The following L3MBTL4 variants were observed in gnomAD, a reference collection of about 807,000 sequenced individuals.
L3MBTL4 encodes lethal(3)malignant brain tumor-like protein 4.
In L3MBTL4, 70 loss-of-function variants were observed where a neutral mutation model predicts 84.5. The ratio of observed to expected loss-of-function variants is 0.83; its 90% CI spans 0.68 to 1.01. The LOEUF is 1.01. Ranked by LOEUF, L3MBTL4 falls within the 50% of genes least tolerant of loss-of-function variation. The pLI is 0.00. For missense variants in L3MBTL4, 715 were observed against 754.8 expected (o/e 0.95, Z 0.62); for synonymous variants, 274 against 259.8 (o/e 1.05, Z -0.52).
intron 13 of L3MBTL4, among the ~76,000 whole-genome samples, chr18:6,150,303 G>A (rs752088491): frequency 2.0e-5 from 3 of 152,002 alleles, no homozygotes. Context: ...ATCTAAAGCG[G>A]GAACTATGGT....
chr18:6,145,915 A>G (rs1032214074), intron 13 of L3MBTL4, among the ~76,000 whole-genome samples: 1 of 152,182 alleles, frequency 6.6e-6, no homozygotes, highest in African/African-American at 2.4e-5. Flanking sequence ...AGCAAGTCAG[A>G]GTGATGATGT....
At chr18:6,078,716 G>T (rs913680392) in intron 16 of L3MBTL4, among the ~76,000 whole-genome samples, 2 of 152,122 alleles carry the variant, frequency 1.3e-5, no homozygotes, top group Non-Finnish European at 2.9e-5. Context: ...GACCAGGGGT[G>T]GGGGGATGGT....
At chr18:6,216,470 A>G (rs1416952840) in intron 10 of L3MBTL4, among the ~76,000 whole-genome samples, 1 of 152,048 alleles carries the variant, frequency 6.6e-6, no homozygotes, top group Non-Finnish European at 1.5e-5. Context: ...CGCAATAAGT[A>G]TTTAGATTTA....
chr18:6,009,994 T>C (rs1406009159), intron 16 of L3MBTL4, among the ~76,000 whole-genome samples: 8 of 149,450 alleles, frequency 5.4e-5, no homozygotes, highest in African/African-American at 1.7e-4. Flanking sequence ...ATCTAGACTT[T>C]AAGAAACATA....
chr18:6,215,774 T>A lies in L3MBTL4; in HGVS notation c.846A>T (p.Ala282=). The change falls in exon 11 of 19, where the codon GCA becomes GCT. Residue 282 remains alanine, a synonymous_variant. Transcript: ENST00000317931. Reference sequence around the variant, plus strand: ...CCATTTTAAAAACTTTGGCAGGAACTGCATTGGTTTGAGTAGCTTCCAGGT... The same window carrying A: ...CCATTTTAAAAACTTTGGCAGGAACAGCATTGGTTTGAGTAGCTTCCAGGT... ...TEYLEATQTN[A]VPAKVFKMRL... is the part of the protein sequence containing the mutation. 6.2e-7 allele frequency: 1 copy of A among 1,605,920 alleles called. No homozygotes were observed. Among genetic ancestry groups the A allele is most frequent in the African/African-American group, 1.3e-5 (1 of 74,782 alleles).
intron 5 of L3MBTL4, among the ~76,000 whole-genome samples, chr18:6,263,011 C>A (rs1039046106): frequency 6.6e-6 from 1 of 152,202 alleles, no homozygotes; most frequent in African/African-American, 2.4e-5. Context: ...CGGCGGCTTA[C>A]GCCTGTAATC....
intron 16 of L3MBTL4, among the ~76,000 whole-genome samples, chr18:6,047,128 A>G (rs546435611): frequency 1.6e-4 from 25 of 152,330 alleles, no homozygotes; most frequent in African/African-American, 6.0e-4. Context: ...ATCTCTATGC[A>G]CACAATCTGG....
intron 14 of L3MBTL4, among the ~76,000 whole-genome samples, chr18:6,109,703 C>T (rs773941372): frequency 4.6e-5 from 7 of 152,082 alleles, no homozygotes; most frequent in Non-Finnish European, 7.4e-5. Flanking sequence ...GGAAGCTGCC[C>T]GTGCACCCCA....
chr18:6,251,140 CA>C (rs2047907101), intron 5 of L3MBTL4, among the ~76,000 whole-genome samples: 1 of 152,202 alleles, frequency 6.6e-6, no homozygotes, highest in Admixed American at 6.5e-5. Flanking sequence ...AGGATGAATA[CA>C]ACCAAAGAGA....
chr18:5,968,042 C>A (rs2052440328), intron 17 of L3MBTL4, among the ~76,000 whole-genome samples: 2 of 152,226 alleles, frequency 1.3e-5, no homozygotes, highest in African/African-American at 4.8e-5. Context: ...AGCCCAGTGA[C>A]AAAGAGGGCA....
intron 1 of L3MBTL4, among the ~76,000 whole-genome samples, chr18:6,405,867 A>G (rs1462550034): frequency 6.6e-6 from 1 of 152,186 alleles, no homozygotes; most frequent in East Asian, 1.9e-4. Flanking sequence ...GAATCTATCC[A>G]TGGTTATGAG....
intron 1 of L3MBTL4, among the ~76,000 whole-genome samples, chr18:6,314,721 T>TA (rs1350226817): frequency 2.0e-5 from 3 of 152,238 alleles, no homozygotes; most frequent in Non-Finnish European, 4.4e-5. Context: ...TTAGAAAGCA[T>TA]CTGAATACTT....
At chr18:6,180,895 T>C (rs1442867372) in intron 12 of L3MBTL4, among the ~76,000 whole-genome samples, 1 of 152,216 alleles carries the variant, frequency 6.6e-6, no homozygotes, top group East Asian at 1.9e-4. Context: ...GTCCGTCAAC[T>C]GATGAATGGG....
intron 4 of L3MBTL4, among the ~76,000 whole-genome samples, chr18:6,264,749 A>T (rs1027497975): frequency 2.0e-5 from 3 of 152,132 alleles, no homozygotes; most frequent in African/African-American, 7.2e-5. Context: ...GCACTACTGC[A>T]CTCCAGCCTG....
intron 1 of L3MBTL4, among the ~76,000 whole-genome samples, chr18:6,388,668 A>T (rs1055564188): frequency 7.9e-5 from 12 of 152,208 alleles, no homozygotes; most frequent in Non-Finnish European, 1.8e-4. Context: ...AATATTGTAT[A>T]TATGGGTTTA....
At chr18:6,247,466 ATTTTTTTTTTT>A (rs71163266) in intron 5 of L3MBTL4, among the ~76,000 whole-genome samples, 1 of 49,638 alleles carries the variant, frequency 2.0e-5, no homozygotes, top group African/African-American at 1.0e-4. Context: ...CCCTCCTCTG[ATTTTTTTTTTT>A]TTTTTTTTTT....
intron 16 of L3MBTL4, among the ~76,000 whole-genome samples, chr18:5,972,613 G>T (rs1011819727): frequency 6.6e-6 from 1 of 152,098 alleles, no homozygotes; most frequent in African/African-American, 2.4e-5. Flanking sequence ...GGAGTGTTTC[G>T]CGGGGGCTGT....
chr18:5,995,133 G>A (rs926353103), intron 16 of L3MBTL4, among the ~76,000 whole-genome samples: 1 of 152,276 alleles, frequency 6.6e-6, no homozygotes, highest in African/African-American at 2.4e-5. Flanking sequence ...GGAGGGCTAC[G>A]TGTTTGATGC....
At chr18:6,289,305 C>T (rs1032879418) in intron 4 of L3MBTL4, among the ~76,000 whole-genome samples, 1 of 152,172 alleles carries the variant, frequency 6.6e-6, no homozygotes, top group Non-Finnish European at 1.5e-5. Flanking sequence ...TGCACTGATA[C>T]AGGACCAGAG....
Sources: allele counts gnomAD v4.1 joint callset (sites outside exome capture counted in the v4.1 genomes callset), GRCh38; gene constraint gnomAD v4.1.1; transcripts MANE v1.5; gene names NCBI Gene and HGNC (gene_info 2026-07-23, HGNC 2026-07-21).